SPATA31H1: variants seen among roughly 807,000 people sequenced by gnomAD.
SPATA31H1 encodes the protein spermatogenesis-associated protein 31H1.
chr2:27,538,085 A>G, the SPATA31H1 span, among the ~76,000 whole-genome samples: 2 of 152,186 alleles, frequency 1.3e-5, no homozygotes, highest in Non-Finnish European at 2.9e-5. Context: ...ACCAATCTGG[A>G]TGGAGCATAG....
chr2:27,581,271 C>T, the SPATA31H1 span: 27 of 1,614,082 alleles, frequency 1.7e-5, no homozygotes, highest in African/African-American at 5.3e-5. Flanking sequence ...GAGAAACCAT[C>T]GCAGTCCCTC....
At chr2:27,566,520 A>G in the SPATA31H1 span, 1 of 624,034 alleles carries the variant, frequency 1.6e-6, no homozygotes, top group South Asian at 2.0e-5. Context: ...TCTGGGTTCA[A>G]ACTGGTGGAA....
the SPATA31H1 span, chr2:27,580,229 T>G: frequency 6.2e-7 from 1 of 1,614,200 alleles, no homozygotes; most frequent in East Asian, 2.2e-5. Flanking sequence ...ATTTGCAGTC[T>G]GGGCCTTCCC....
At chr2:27,548,289 C>A in the SPATA31H1 span, among the ~76,000 whole-genome samples, 4,105 of 151,524 alleles carry the variant, frequency 0.027, 232 homozygotes, top group African/African-American at 0.095. Flanking sequence ...TTTCTTAATA[C>A]CATCAAATAC....
At chr2:27,580,606 C>A in the SPATA31H1 span, 1 of 1,614,180 alleles carries the variant, frequency 6.2e-7, no homozygotes, top group Admixed American at 1.7e-5. Flanking sequence ...AAGAAACCTT[C>A]CCAACCCAAG....
chr2:27,572,265 G>C, the SPATA31H1 span: 6 of 398,446 alleles, frequency 1.5e-5, no homozygotes, highest in Non-Finnish European at 2.7e-5. Flanking sequence ...GGGCTCGACT[G>C]TAGAGCCACA....
the SPATA31H1 span, chr2:27,569,952 G>A: frequency 2.5e-6 from 1 of 398,706 alleles, no homozygotes; most frequent in Non-Finnish European, 4.4e-6. Flanking sequence ...GAAATCTGAT[G>A]AATTGACCTC....
At chr2:27,567,018 C>G in the SPATA31H1 span, 1 of 717,516 alleles carries the variant, frequency 1.4e-6, no homozygotes. Flanking sequence ...CAGAACCCTG[C>G]CTCTTTTTCA....
At chr2:27,568,226 C>G in the SPATA31H1 span, 1 of 398,844 alleles carries the variant, frequency 2.5e-6, no homozygotes, top group African/African-American at 2.1e-5. Flanking sequence ...TGAAAATGAA[C>G]ACATTGTTGA....
chr2:27,551,389 A>G, the SPATA31H1 span, among the ~76,000 whole-genome samples: 3 of 152,040 alleles, frequency 2.0e-5, no homozygotes, highest in Non-Finnish European at 2.9e-5. Context: ...AGACACCCCT[A>G]ACACAAAATT....
chr2:27,578,440 A>G, the SPATA31H1 span: 1 of 1,614,100 alleles, frequency 6.2e-7, no homozygotes, highest in South Asian at 1.1e-5. Context: ...GTAGCCCTAG[A>G]ATCAGGAATT....
At chr2:27,550,411 A>ATTTTTTT in the SPATA31H1 span, among the ~76,000 whole-genome samples, 4 of 94,560 alleles carry the variant, frequency 4.2e-5, no homozygotes, top group East Asian at 2.9e-4. Context: ...TGGGTGTTAA[A>ATTTTTTT]TTTTTTTTTT....
the SPATA31H1 span, chr2:27,572,318 G>A: frequency 1.8e-5 from 7 of 398,358 alleles, no homozygotes; most frequent in Non-Finnish European, 2.7e-5. Context: ...AAGAGCTAGA[G>A]CTTGGAAGAA....
the SPATA31H1 span, chr2:27,577,290 C>T: frequency 6.2e-7 from 1 of 1,614,060 alleles, no homozygotes; most frequent in South Asian, 1.1e-5. This position sits in a 1 kb window ranked among gnomAD's most constrained non-coding sequence, Gnocchi z 4.5. Flanking sequence ...ATTGCTCTCT[C>T]AGTCACGGCC....
chr2:27,566,341 G>C, the SPATA31H1 span: 1 of 717,426 alleles, frequency 1.4e-6, no homozygotes, highest in Non-Finnish European at 2.6e-6. Context: ...CTGGTCAATG[G>C]AGCGGAGCCT....
chr2:27,570,905 T>G, the SPATA31H1 span: 12 of 398,760 alleles, frequency 3.0e-5, no homozygotes, highest in Middle Eastern at 6.2e-4. Context: ...AGTTGACTCC[T>G]GGGCCACAGT....
chr2:27,549,478 C>T, the SPATA31H1 span, among the ~76,000 whole-genome samples: 1 of 151,682 alleles, frequency 6.6e-6, no homozygotes, highest in Non-Finnish European at 1.5e-5. Flanking sequence ...GTTAGGACTA[C>T]AGGAATGTGT....
the SPATA31H1 span, chr2:27,566,840 T>C: frequency 6.5e-5 from 47 of 717,658 alleles, 1 homozygote; most frequent in South Asian, 6.1e-4. Context: ...GTTGTGACTA[T>C]AAGAAAGCAA....
chr2:27,539,929 A>C, the SPATA31H1 span, among the ~76,000 whole-genome samples: 9 of 97,994 alleles, frequency 9.2e-5, no homozygotes, highest in South Asian at 3.5e-4. Context: ...TGACCCCCCC[A>C]CCTCCCTCCC....
Sources: allele counts gnomAD v4.1 joint callset (sites outside exome capture counted in the v4.1 genomes callset), GRCh38; gene constraint gnomAD v4.1.1; non-coding constraint Gnocchi (gnomAD v3.1); transcripts MANE v1.5; gene names NCBI Gene and HGNC (gene_info 2026-07-23, HGNC 2026-07-21).